CKAP5: variants seen among roughly 807,000 people sequenced by gnomAD.
The protein encoded by CKAP5 is cytoskeleton-associated protein 5.
CKAP5 carries 27 observed loss-of-function variants against 232.8 expected under a neutral mutation model. That is an observed-to-expected ratio of 0.12 (90% CI 0.09 to 0.16). CKAP5 has a LOEUF of 0.16. Among genes scored for constraint, CKAP5 ranks in the 10% least tolerant of loss-of-function variants. The pLI is 1.00. For synonymous variants in CKAP5, 785 were observed against 841.1 expected, an observed-to-expected ratio of 0.93 and a Z score of 1.16; for missense variants, 1,838 against 2,424.7, an observed-to-expected ratio of 0.76 and a Z score of 5.08.
intron 8 of CKAP5, among the ~76,000 whole-genome samples, chr11:46,806,565 T>C (rs529284960): frequency 6.6e-6 from 1 of 152,344 alleles, no homozygotes; most frequent in African/African-American, 2.4e-5. Flanking sequence ...AACTCTCTTT[T>C]AATTTATTTT....
intron 1 of CKAP5, among the ~76,000 whole-genome samples, chr11:46,837,145 T>C (rs962742981): frequency 6.6e-6 from 1 of 152,218 alleles, no homozygotes; most frequent in Non-Finnish European, 1.5e-5. Context: ...GCAATTCTGA[T>C]ACTGCTATCC....
In CKAP5 at chr11:46,797,769, A is replaced by G. The variant is rs370502114; in HGVS notation, c.1338+36T>C. 12 of 1,577,196 alleles carry G rather than the reference A, an allele frequency of 7.6e-6. No homozygotes were observed. In the Admixed American group the frequency reaches 2.3e-4, roughly 31 times the overall value. On this transcript the variant is annotated intron_variant, in intron 11 of 43. Coordinates refer to ENST00000529230, the MANE Select transcript of CKAP5 (RefSeq NM_001008938.4). ...TGCAGGAAAAGAATCTTGCCTAGGT[A>G]TAAAATATTCCCCCAACTTCAAAGA...
rs7106513 is a variant in CKAP5 at position 46,821,486 on chromosome 11, C to A, written c.-37-218G>T. Among the ~76,000 whole-genome samples, 7 of 147,940 alleles carry A rather than the reference C, an allele frequency of 4.7e-5. No individual in the cohort carries two copies. The East Asian group carries it at 1.4e-3, about 30-fold the overall frequency. On this transcript the variant is annotated intron_variant, in intron 1 of 43. Coordinates refer to ENST00000529230, the MANE Select transcript of CKAP5 (RefSeq NM_001008938.4). ...GTCACCCAGGCTGGAGTGCAGTGGCCCGATCTCCGCTTACTGCAAGCTACA... is the reference window on the plus strand; with the variant it reads ...GTCACCCAGGCTGGAGTGCAGTGGCACGATCTCCGCTTACTGCAAGCTACA...
intron 4 of CKAP5, among the ~76,000 whole-genome samples, chr11:46,813,207 A>C (rs577007107): frequency 1.3e-5 from 2 of 152,188 alleles, no homozygotes; most frequent in Non-Finnish European, 2.9e-5. Flanking sequence ...TTATATTATT[A>C]AAAAAATTAC....
At chr11:46,837,341 C>T (rs902286913) in intron 1 of CKAP5, among the ~76,000 whole-genome samples, 14 of 152,090 alleles carry the variant, frequency 9.2e-5, no homozygotes, top group African/African-American at 2.9e-4. Context: ...CCCGCCCATA[C>T]TACTGAAAGT....
chr11:46,759,156 C>A (rs1592437786), intron 34 of CKAP5, 113 bp from the exon 35 acceptor site: 7 of 1,502,536 alleles, frequency 4.7e-6, no homozygotes, highest in South Asian at 3.9e-5. Context: ...TGCTATCATT[C>A]AAAAAATAAT....
intron 8 of CKAP5, among the ~76,000 whole-genome samples, chr11:46,802,771 C>A (rs1939064651): frequency 6.6e-6 from 1 of 152,158 alleles, no homozygotes; most frequent in African/African-American, 2.4e-5. Context: ...CTGCATTAAA[C>A]AACTCCTAAC....
At chr11:46,802,156 A>G (rs2134658281) in intron 8 of CKAP5, 1 of 152,318 alleles carries the variant, frequency 6.6e-6, no homozygotes. Context: ...CACTTCAGTC[A>G]TCTAATAATG....
rs189456007 is a variant in CKAP5, at chr11:46,759,757, T to C, written c.4395-315A>G. Among the ~76,000 whole-genome samples, 421 of 152,316 alleles carry C rather than the reference T, an allele frequency of 2.8e-3. 2 individuals carry two copies. The highest frequency in any genetic ancestry group is 9.6e-3 in the African/African-American group (398 of 41,568). On this transcript the variant is annotated intron_variant, in intron 33 of 43. Transcript: ENST00000529230. ...TGAAGGGGCAGAAAACAATAAAATA[T>C]ATTTGTATTGACTCAAAGTTCACTA...
Position 46,763,102 on chromosome 11 carries a change from G to A in CKAP5, c.3765C>T (p.Asp1255=). 6.2e-7 allele frequency: 1 copy of A among 1,613,708 alleles called. No homozygotes were observed. Among genetic ancestry groups the A allele is most frequent in the Non-Finnish European group, 8.5e-7 (1 of 1,179,686 alleles). The change falls in exon 30 of 44, where the codon GAC becomes GAT. Residue 1255 remains aspartate (D), a synonymous_variant. Coordinates refer to ENST00000529230, the MANE Select transcript of CKAP5 (RefSeq NM_001008938.4). ...CTTTCATCAGGACGCTTGTATTGGT[G>A]TCAAAAAACCTCAGGGTAAGCCACT... ...ILKWLTLRFF[D]TNTSVLMKAL...
chr11:46,785,081 A>G (rs1362174070), intron 16 of CKAP5, among the ~76,000 whole-genome samples: 1 of 152,112 alleles, frequency 6.6e-6, no homozygotes, highest in African/African-American at 2.4e-5. Context: ...AAACACTACA[A>G]CCCTCTTATA....
chr11:46,750,174 T>C, intron 42 of CKAP5, 100 bp downstream of exon 42: 1 of 1,183,278 alleles, frequency 8.5e-7, no homozygotes. Flanking sequence ...CCATTAAGTA[T>C]TGAGGTTCAT....
In CKAP5 at chr11:46,765,161, C is replaced by T; in HGVS notation, c.3507G>A (p.Glu1169=). The T allele has an allele frequency of 1.9e-6, 3 of 1,612,860 alleles. No homozygotes were observed. The highest frequency in any genetic ancestry group is 2.5e-6 in the Non-Finnish European group (3 of 1,179,486). The change falls in exon 28 of 44, where the codon GAG becomes GAA. Residue 1169 remains glutamate, a synonymous_variant. Transcript: ENST00000529230. ...PIFIVVPNGK[E]QRMKDEKGLK... is the part of the protein sequence containing the mutation. ...ATCCTTTTTCATCTTTCATCCTTTG[C>T]TCTTTTCCATTTGGAACAACAATAA...
chr11:46,760,738 G>GACC lies in CKAP5; in HGVS notation c.4265_4267dup (p.Arg1422_Ser1423insTrp). On this transcript the variant is annotated inframe_insertion, in exon 33 of 44. Coordinates refer to ENST00000529230, the MANE Select transcript of CKAP5 (RefSeq NM_001008938.4). ...TGGTGCAGCAGAGGGTCTCTTTGCTGACCGCTTAATCCTCTCCTCGAGCAT... is the reference window on the plus strand; with the variant it reads ...TGGTGCAGCAGAGGGTCTCTTTGCTGACCACCGCTTAATCCTCTCCTCGAGCAT... The GACC allele has an allele frequency of 6.2e-7, 1 of 1,614,190 alleles. No homozygotes were observed. Among genetic ancestry groups the GACC allele is most frequent in the Non-Finnish European group, 8.5e-7 (1 of 1,180,024 alleles).
At position 46,793,998 on chromosome 11, in the gene CKAP5, G is replaced by A. The variant is rs140248004; in HGVS notation, c.1650+1596C>T. Among the ~76,000 whole-genome samples, 49 of 152,188 alleles carry A rather than the reference G, an allele frequency of 3.2e-4. No individual in the cohort carries two copies. The East Asian group carries it at 5.6e-3, about 17-fold the overall frequency. On this transcript the variant is annotated intron_variant, in intron 13 of 43. Coordinates refer to ENST00000529230, the MANE Select transcript of CKAP5 (RefSeq NM_001008938.4). ...TGATTTTTGACAAGGGTACCAAGGC[G>A]GTTTAATGGGGAAAGGACAGTCTAT...
intron 24 of CKAP5, 86 bp from the exon 25 acceptor site, chr11:46,771,068 T>C (rs2065243207): frequency 8.6e-7 from 1 of 1,160,262 alleles, no homozygotes; most frequent in Non-Finnish European, 1.2e-6. Context: ...TTCATTAGTC[T>C]CAAGCACTGA....
intron 28 of CKAP5, among the ~76,000 whole-genome samples, chr11:46,764,527 C>T (rs987218599): frequency 1.1e-4 from 16 of 151,976 alleles, no homozygotes; most frequent in East Asian, 7.7e-4. Context: ...ACAAACAGTA[C>T]GGCATGTCTG....
chr11:46,825,327 G>C (rs1162142219), intron 1 of CKAP5, among the ~76,000 whole-genome samples: 2 of 152,168 alleles, frequency 1.3e-5, no homozygotes, highest in Non-Finnish European at 2.9e-5. Context: ...AAGGGACAGA[G>C]AGATTAAGTC....
intron 16 of CKAP5, among the ~76,000 whole-genome samples, chr11:46,786,538 G>C (rs551224479): frequency 1.3e-5 from 2 of 152,324 alleles, no homozygotes; most frequent in African/African-American, 4.8e-5. Flanking sequence ...ACAATGAGTG[G>C]CAACTGTTTA....
Sources: allele counts gnomAD v4.1 joint callset (sites outside exome capture counted in the v4.1 genomes callset), GRCh38; gene constraint gnomAD v4.1.1; transcripts MANE v1.5; gene names NCBI Gene and HGNC (gene_info 2026-07-23, HGNC 2026-07-21).